Variants in PLEKHH3 observed in about 807,000 individuals in gnomAD.
PLEKHH3 encodes the protein pleckstrin homology domain-containing family H member 3.
In PLEKHH3, 57 loss-of-function variants were observed where a neutral mutation model predicts 77.8. The observed-to-expected ratio is 0.73, with a 90% CI of 0.59 to 0.91. PLEKHH3 has a LOEUF of 0.91. PLEKHH3 is among the 40% of genes least tolerant of loss of function. The probability of loss-of-function intolerance (pLI) is 0.00; values close to 1 mark genes in which losing one functional copy is unlikely to be tolerated. For synonymous variants in PLEKHH3, 467 were observed against 504.8 expected (o/e 0.93, Z 1.00); for missense variants, 1,082 against 1,091.2 (o/e 0.99, Z 0.12).
chr17:42,676,137 G>A lies in PLEKHH3; in HGVS notation c.162+265C>T. On this transcript the variant is annotated intron_variant, in intron 1 of 12. Coordinates refer to ENST00000591022, the MANE Select transcript of PLEKHH3 (RefSeq NM_024927.5). The surrounding 1 kb of genome is among the most constrained non-coding windows in gnomAD (Gnocchi z 6.6). ...AGCGGGGAAGGGAGAGGCAGGGCCA[G>A]GTCGGGCCACGCGTGACGCCTCCCC... 1 of 1,346,124 alleles carries A rather than the reference G, an allele frequency of 7.4e-7. No individual in the cohort carries two copies. 83.4% of individuals were successfully genotyped at this position (1,346,124 alleles called of 1,614,324 possible).
chr17:42,668,447 C>G, intron 12 of PLEKHH3, 144 bp from the exon 13 acceptor site: 1 of 604,516 alleles, frequency 1.7e-6, no homozygotes, highest in Non-Finnish European at 2.6e-6. Context: ...CTTATCACCA[C>G]TCTCTCCTTC....
rs1241949726 is a variant in PLEKHH3 at position 42,676,230 on chromosome 17, G to A, written c.162+172C>T. 7.2e-7 allele frequency: 1 copy of A among 1,393,142 alleles called. No homozygotes were observed. Among genetic ancestry groups the A allele is most frequent in the Non-Finnish European group, 9.4e-7 (1 of 1,060,244 alleles). The allele number at this position is 1,393,142 out of a possible 1,614,324, so 86.3% of individuals were successfully genotyped here. A position where few individuals can be genotyped will look rare whatever the true frequency, so the allele number is the denominator to read the frequency against. On this transcript the variant is annotated intron_variant, in intron 1 of 12. Transcript: ENST00000591022. The surrounding 1 kb of genome is among the most constrained non-coding windows in gnomAD (Gnocchi z 6.6). ...CGGGAGGCCCACAGGCACATCCCGA[G>A]TAGGGCTGCTGCTCCGAGAGCTCCC...
chr17:42,670,848 A>G (rs1252569178), intron 9 of PLEKHH3, 143 bp from the exon 10 acceptor site: 1 of 1,522,816 alleles, frequency 6.6e-7, no homozygotes, highest in Non-Finnish European at 8.9e-7. Context: ...CGGACTGCAA[A>G]CCTGCGGCGG....
At position 42,676,535 on chromosome 17, in the gene PLEKHH3, A is replaced by G. The variant is rs1422677624; in HGVS notation, c.29T>C (p.Leu10Pro). MPLPGGLWWLLCCRRGFTLL... is the reference protein window; with the variant it reads MPLPGGLWWPLCCRRGFTLL... ...AGTGAAGCCTCGACGGCAGCAGAGA[A>G]GCCACCATAGTCCCCCGGGGAGAGG... The change falls in exon 1 of 13, where the codon CTT becomes CCT. Residue 10 changes from leucine (L) to proline (P), a missense_variant. By Grantham distance (98) the Leu-to-Pro change is moderately conservative (BLOSUM62 -3). This residue lies in a region of PLEKHH3 where 344 missense variants were observed against 320.8 expected (regional missense o/e 1.07). Transcript: ENST00000591022. This position sits in a 1 kb window ranked among gnomAD's most constrained non-coding sequence, Gnocchi z 6.6. 5.7e-6 allele frequency: 9 copies of G among 1,579,496 alleles called. No homozygotes were observed. The South Asian group carries it at 1.0e-4, about 18-fold the overall frequency.
chr17:42,671,238 C>G lies in PLEKHH3; in HGVS notation c.1285-108G>C, dbSNP rs1298635394. ...TAGTCCTGTCACCACCACTCCCTCC[C>G]TTACCAAAATAATCTAGACTCGGGG... On this transcript the variant is annotated intron_variant, in intron 8 of 12. Coordinates refer to ENST00000591022, the MANE Select transcript of PLEKHH3 (RefSeq NM_024927.5). This position sits in a 1 kb window ranked among gnomAD's most constrained non-coding sequence, Gnocchi z 4.7. The G allele has an allele frequency of 6.6e-7, 1 of 1,525,704 alleles. No individual in the cohort carries two copies. Among genetic ancestry groups the G allele is most frequent in the African/African-American group, 1.4e-5 (1 of 72,702 alleles). 94.5% of individuals were successfully genotyped at this position (1,525,704 alleles called of 1,614,324 possible).
chr17:42,672,525 C>A, intron 6 of PLEKHH3, 133 bp from the exon 7 acceptor site: 1 of 762,890 alleles, frequency 1.3e-6, no homozygotes, highest in Non-Finnish European at 2.0e-6. Flanking sequence ...AGGGTACGAA[C>A]GACAGGAAGA....
At chr17:42,670,826 T>C (rs1308588884) in intron 9 of PLEKHH3, 121 bp from the exon 10 acceptor site, 1 of 1,513,584 alleles carries the variant, frequency 6.6e-7, no homozygotes, top group Non-Finnish European at 8.9e-7. Context: ...ACAGCGGAGG[T>C]GATGCTGCAG....
At chr17:42,673,147 C>T (rs753712786) in intron 6 of PLEKHH3, 29 bp downstream of exon 6, 5 of 1,499,374 alleles carry the variant, frequency 3.3e-6, no homozygotes, top group Non-Finnish European at 4.4e-6. Flanking sequence ...CCATCCCATC[C>T]AGGGGACTTG....
Position 42,672,184 on chromosome 17 carries a change from G to T in PLEKHH3, c.978C>A (p.Asp326Glu). The change falls in exon 7 of 13, where the codon GAC becomes GAA. Residue 326 changes from aspartate to glutamate, a missense_variant. By Grantham distance (45) the Asp-to-Glu change is conservative (BLOSUM62 2). Transcript: ENST00000591022. ...GTTGCCAGTACCGCAGGGCCGCAGG[G>T]TCTTGGGTAGCCGGGAGCCCGGGGG... ...AGPPGLPATQ[D>E]PAALRYWQLL... 6.4e-7 allele frequency: 1 copy of T among 1,551,432 alleles called. No individual in the cohort carries two copies. Among genetic ancestry groups the T allele is most frequent in the South Asian group, 1.2e-5 (1 of 84,072 alleles).
Position 42,669,227 on chromosome 17 carries a change from T to C in PLEKHH3, c.2205+203A>G, listed in dbSNP as rs182905041. 604 of 465,998 alleles carry C rather than the reference T, an allele frequency of 1.3e-3. 4 individuals carry two copies. The highest frequency in any genetic ancestry group is 0.011 in the African/African-American group (561 of 49,864). 28.9% of individuals were successfully genotyped at this position (465,998 alleles called of 1,614,324 possible). A position where few individuals can be genotyped will look rare whatever the true frequency, so the allele number is the denominator to read the frequency against. ...TCCTGTCACATCACTCTTTCCTTTG[T>C]AGCATTTCTCACTGTCTTCATAGCC... On this transcript the variant is annotated intron_variant, in intron 12 of 12. Coordinates refer to ENST00000591022, the MANE Select transcript of PLEKHH3 (RefSeq NM_024927.5).
Position 42,671,276 on chromosome 17 carries a change from C to A in PLEKHH3, c.1284+75G>T. On this transcript the variant is annotated intron_variant, in intron 8 of 12. Transcript: ENST00000591022. The surrounding 1 kb of genome is among the most constrained non-coding windows in gnomAD (Gnocchi z 4.7). ...TCTAGACTCGGGGCAAACCTAGGGT[C>A]CAGGAAGAGGGAGAGACAGGCGTGA... is the stretch of plus-strand genomic sequence containing the variant. 3 of 1,567,190 alleles carry A rather than the reference C, an allele frequency of 1.9e-6. No individual in the cohort carries two copies. The highest frequency in any genetic ancestry group is 2.3e-5 in the South Asian group (2 of 86,416).
rs541392534 is a variant in PLEKHH3, at chr17:42,674,383, C to T, written c.189G>A (p.Gln63=). 1.7e-5 allele frequency: 27 copies of T among 1,595,468 alleles called. No individual in the cohort carries two copies. The South Asian group carries it at 2.8e-4, about 17-fold the overall frequency. ...TGGAGACAGGCCCGCTCCTCACTGGCTGAGTCAGCGTCACTTCCAGGGGAC... is the reference window on the plus strand; with the variant it reads ...TGGAGACAGGCCCGCTCCTCACTGGTTGAGTCAGCGTCACTTCCAGGGGAC... ...GRGPLEVTLT[Q]PVRSGPVSNR... is the part of the protein sequence containing the mutation. Residue 63 remains glutamine, a synonymous_variant, in exon 2 of 13, where the codon CAG becomes CAA. Transcript: ENST00000591022.
At position 42,672,248 on chromosome 17, in the gene PLEKHH3, AAG is replaced by A; in HGVS notation, c.912_913del (p.Phe305ProfsTer5). The A allele has an allele frequency of 6.4e-7, 1 of 1,551,192 alleles. No homozygotes were observed. Among genetic ancestry groups the A allele is most frequent in the Non-Finnish European group, 8.7e-7 (1 of 1,147,130 alleles). The stretch of plus-strand genomic sequence containing the variant: ...CGAGGTCTGCTTAGCCAGCTGCAGG[AAG>A]AGTTCATCCCGGAGCGCGGGCAAGT... On this transcript the variant is annotated frameshift_variant, in exon 7 of 13. Coordinates refer to ENST00000591022, the MANE Select transcript of PLEKHH3 (RefSeq NM_024927.5). LOFTEE classifies it high-confidence loss of function.
Position 42,669,438 on chromosome 17 carries a change from T to C in PLEKHH3, c.2197A>G (p.Ser733Gly), listed in dbSNP as rs1263684205. The C allele has an allele frequency of 6.5e-7, 1 of 1,539,890 alleles. No individual in the cohort carries two copies. The highest frequency in any genetic ancestry group is 1.4e-5 in the African/African-American group (1 of 72,810). ...RVGESQLLLQ[S>G]PQVEEIMQLV... ...CTCCTCTTCTCACTCACCTGGGGGC[T>C]CTGCAGGAGGAGCTGGCTCTCTCCC... Residue 733 changes from serine to glycine, a missense_variant, in exon 12 of 13, where the codon AGC becomes GGC. This residue lies in a region of PLEKHH3 where 733 missense variants were observed against 750.0 expected (regional missense o/e 0.98). Transcript: ENST00000591022.
In PLEKHH3 at chr17:42,676,260, G is replaced by A; in HGVS notation, c.162+142C>T. ...GCTGCTGCTCCGAGAGCTCCCGGGGGCTTTGGCCCCCAGGCAAAAAACTCT... is the reference window on the plus strand; with the variant it reads ...GCTGCTGCTCCGAGAGCTCCCGGGGACTTTGGCCCCCAGGCAAAAAACTCT... On this transcript the variant is annotated intron_variant, in intron 1 of 12. Transcript: ENST00000591022. The surrounding 1 kb of genome is among the most constrained non-coding windows in gnomAD (Gnocchi z 6.6). 2 of 1,438,954 alleles carry A rather than the reference G, an allele frequency of 1.4e-6. No homozygotes were observed. Among genetic ancestry groups the A allele is most frequent in the South Asian group, 1.4e-5 (1 of 70,764 alleles). 89.1% of individuals were successfully genotyped at this position (1,438,954 alleles called of 1,614,324 possible).
At position 42,672,099 on chromosome 17, in the gene PLEKHH3, C is replaced by G. The variant is rs1177226844; in HGVS notation, c.1063G>C (p.Gly355Arg). The change falls in exon 7 of 13, where the codon GGG becomes CGG. Residue 355 changes from glycine (G) to arginine (R), a missense_variant. By Grantham distance (125) the Gly-to-Arg change is moderately radical. Around this residue, in one of 3 missense-constraint regions of PLEKHH3, gnomAD observed 733 missense variants for 750.0 expected, o/e 0.98. Transcript: ENST00000591022. The part of the protein sequence containing the change: ...PGGAVRGHLL[G>R]HLERTEQALP... The stretch of plus-strand genomic sequence containing the variant: ...CGCCCCTCTCACCTCTCCAAGTGCC[C>G]CAGGAGGTGCCCCCGCACAGCTCCC... 1 of 1,490,692 alleles carries G rather than the reference C, an allele frequency of 6.7e-7. No homozygotes were observed. Among genetic ancestry groups the G allele is most frequent in the South Asian group, 1.3e-5 (1 of 74,916 alleles). The allele number at this position is 1,490,692 out of a possible 1,614,324, so 92.3% of individuals were successfully genotyped here.
chr17:42,671,686 G>A lies in PLEKHH3; in HGVS notation c.1077-128C>T, dbSNP rs1399606237. On this transcript the variant is annotated intron_variant, in intron 7 of 12. Transcript: ENST00000591022. The surrounding 1 kb of genome is among the most constrained non-coding windows in gnomAD (Gnocchi z 4.7). ...CCCGCCCCAACTCAAGTTCTTTGAA[G>A]GCTCTTCTAAATCTCTCCCCAGTGC... 3 of 1,030,212 alleles carry A rather than the reference G, an allele frequency of 2.9e-6. No individual in the cohort carries two copies. The highest frequency in any genetic ancestry group is 2.8e-6 in the Non-Finnish European group (2 of 717,616). The allele number at this position is 1,030,212 out of a possible 1,614,324, so 63.8% of individuals were successfully genotyped here. A position where few individuals can be genotyped will look rare whatever the true frequency, so the allele number is the denominator to read the frequency against.
Position 42,671,446 on chromosome 17 carries a change from C to T in PLEKHH3, c.1189G>A (p.Ala397Thr). 1.2e-6 allele frequency: 2 copies of T among 1,613,130 alleles called. No individual in the cohort carries two copies. Among genetic ancestry groups the T allele is most frequent in the South Asian group, 2.2e-5 (2 of 91,076 alleles). Reference sequence around the variant, plus strand: ...AGCAGCTCCTGCCGTTGGCTCAACGCGGAAATCTCCGCCAGCGAGGGCACC... The same window carrying T: ...AGCAGCTCCTGCCGTTGGCTCAACGTGGAAATCTCCGCCAGCGAGGGCACC... ...ELVPSLAEIS[A>T]LSQRQELLCT... Residue 397 changes from alanine to threonine, a missense_variant, in exon 8 of 13, where the codon GCG (alanine) becomes ACG (threonine). Coordinates refer to ENST00000591022, the MANE Select transcript of PLEKHH3 (RefSeq NM_024927.5). The surrounding 1 kb of genome is among the most constrained non-coding windows in gnomAD (Gnocchi z 4.7).
In PLEKHH3 at chr17:42,670,981, G is replaced by A. The variant is rs767307749; in HGVS notation, c.1421+13C>T. On this transcript the variant is annotated intron_variant, in intron 9 of 12. Transcript: ENST00000591022. Reference sequence around the variant, plus strand: ...TGGGCTAATAGAGAGCAGGGCTGGGGCTGGACATTTACTTCTCAAACCTGG... The same window carrying A: ...TGGGCTAATAGAGAGCAGGGCTGGGACTGGACATTTACTTCTCAAACCTGG... The A allele has an allele frequency of 1.2e-6, 2 of 1,608,602 alleles. No homozygotes were observed. The highest frequency in any genetic ancestry group is 1.7e-6 in the Non-Finnish European group (2 of 1,178,538).
Sources: gnomAD v4.1 joint callset for allele counts on GRCh38, gnomAD v4.1.1 for gene constraint, gnomAD v4.1.1 regional missense constraint, Gnocchi (gnomAD v3.1) non-coding constraint, MANE v1.5 for transcripts, NCBI Gene and HGNC (gene_info 2026-07-23, HGNC 2026-07-21) for gene names.